INVS: variants seen among roughly 807,000 people sequenced by gnomAD.
INVS encodes inversin.
In INVS, 86 loss-of-function variants were observed where a neutral mutation model predicts 108.8. The observed-to-expected ratio is 0.79, with a 90% CI of 0.66 to 0.95. INVS has a LOEUF of 0.95. Among genes scored for constraint, INVS ranks in the 40% least tolerant of loss-of-function variants. INVS has a pLI of 0.00. For missense variants in INVS, 1,169 were observed against 1,297.4 expected (o/e 0.90, Z 1.52); for synonymous variants, 455 against 473.5 (o/e 0.96, Z 0.51).
chr9:100,167,005 C>T (rs958217229), intron 3 of INVS, among the ~76,000 whole-genome samples: 9 of 152,138 alleles, frequency 5.9e-5, no homozygotes, highest in African/African-American at 1.9e-4. Flanking sequence ...CCAAGGCAGG[C>T]AGATCACTTG....
At chr9:100,171,888 C>T (rs1357444671) in intron 3 of INVS, among the ~76,000 whole-genome samples, 1 of 152,142 alleles carries the variant, frequency 6.6e-6, no homozygotes, top group African/African-American at 2.4e-5. Flanking sequence ...GACTTAGGCT[C>T]TGCTTCTTTC....
chr9:100,121,545 G>A (rs182063776), intron 2 of INVS, among the ~76,000 whole-genome samples: 1 of 152,230 alleles, frequency 6.6e-6, no homozygotes, highest in East Asian at 1.9e-4. Flanking sequence ...TTTAATATCT[G>A]CAGGCTTTGT....
chr9:100,299,687 C>CCTAT (rs1362318087), intron 16 of INVS, among the ~76,000 whole-genome samples: 1 of 141,752 alleles, frequency 7.1e-6, no homozygotes, highest in African/African-American at 2.7e-5. Flanking sequence ...CACACCTGGG[C>CCTAT]CTATCTCTTT....
rs1829609234 is a variant in INVS at position 100,173,416 on chromosome 9, C to T, written c.273+46867C>T. 2.0e-5 allele frequency among the ~76,000 whole-genome samples: 3 copies of T among 152,106 alleles called. No homozygotes were observed. In the South Asian group the frequency reaches 6.2e-4, roughly 32 times the overall value. On this transcript the variant is annotated intron_variant, in intron 3 of 16. Transcript: ENST00000262457. ...AAGAATCAAAGGACAGCATTTGGGG[C>T]AATGGCTGTAAGTCAGAAGAGATGT...
intron 7 of INVS, among the ~76,000 whole-genome samples, chr9:100,244,230 C>A (rs891090895): frequency 6.6e-6 from 1 of 152,096 alleles, no homozygotes; most frequent in Non-Finnish European, 1.5e-5. Flanking sequence ...AAATCATTAT[C>A]TATTATCACC....
At chr9:100,242,475 T>C (rs1831908558) in intron 6 of INVS, 95 bp from the exon 7 acceptor site, 2 of 763,684 alleles carry the variant, frequency 2.6e-6, no homozygotes, top group Admixed American at 3.7e-5. Context: ...TGCTGTATTA[T>C]GTTAGTGATT....
intron 3 of INVS, among the ~76,000 whole-genome samples, chr9:100,159,502 A>G (rs1829102069): frequency 6.6e-6 from 1 of 152,186 alleles, no homozygotes; most frequent in Non-Finnish European, 1.5e-5. Context: ...AGGTAGACAC[A>G]AAGCTATTCC....
chr9:100,252,896 T>C lies in INVS; in HGVS notation c.1235-11T>C, dbSNP rs1832283885. 1 of 1,587,144 alleles carries C rather than the reference T, an allele frequency of 6.3e-7. No individual in the cohort carries two copies. The highest frequency in any genetic ancestry group is 1.3e-5 in the African/African-American group (1 of 74,326). On this transcript the variant is annotated splice_polypyrimidine_tract_variant and intron_variant, in intron 9 of 16. Transcript: ENST00000262457. ...ATATTAGACATTCTCATTATATTTG[T>C]GCTTTTCCAGGTGGAGCAAGGGTAG...
In INVS at chr9:100,103,010, G is replaced by A. The variant is rs571712737; in HGVS notation, c.-24-1488G>A. On this transcript the variant is annotated intron_variant, in intron 1 of 16. Transcript: ENST00000262457. ...TGGGATTATGGGCACGCGCCACCAC[G>A]CCCAGCTAATTTTTGTATTTTTAGT... is the stretch of plus-strand genomic sequence containing the variant. Among the ~76,000 whole-genome samples, 23 of 152,002 alleles carry A rather than the reference G, an allele frequency of 1.5e-4. No homozygotes were observed. The South Asian group carries it at 3.7e-3, about 25-fold the overall frequency.
At chr9:100,195,772 G>T (rs1172933576) in intron 3 of INVS, among the ~76,000 whole-genome samples, 1 of 152,018 alleles carries the variant, frequency 6.6e-6, no homozygotes, top group Admixed American at 6.6e-5. Flanking sequence ...ACAGGCGTGA[G>T]CCACCACACC....
intron 2 of INVS, among the ~76,000 whole-genome samples, chr9:100,124,855 C>T (rs573748429): frequency 3.5e-4 from 53 of 152,234 alleles, no homozygotes; most frequent in Middle Eastern, 3.4e-3. Flanking sequence ...GACTCTGGAT[C>T]CTATTTAAAT....
chr9:100,146,883 C>T (rs1280466239), intron 3 of INVS, among the ~76,000 whole-genome samples: 1 of 152,214 alleles, frequency 6.6e-6, no homozygotes, highest in Admixed American at 6.5e-5. Context: ...AATAGTGCTT[C>T]CGTCAACGTA....
intron 3 of INVS, among the ~76,000 whole-genome samples, chr9:100,155,498 A>G (rs979383996): frequency 3.3e-5 from 5 of 151,948 alleles, no homozygotes; most frequent in African/African-American, 1.2e-4. Context: ...CACCATGCCC[A>G]GCTAATTTTT....
At chr9:100,221,170 T>G (rs1476568601) in intron 3 of INVS, among the ~76,000 whole-genome samples, 1 of 152,180 alleles carries the variant, frequency 6.6e-6, no homozygotes, top group African/African-American at 2.4e-5. Context: ...TTCAGAGGGT[T>G]GTCAAATTAG....
intron 3 of INVS, chr9:100,215,443 A>C (rs1830958067): frequency 6.6e-6 from 1 of 152,286 alleles, no homozygotes. Flanking sequence ...AGGTGGCCAC[A>C]GTTAGTAAGC....
intron 3 of INVS, among the ~76,000 whole-genome samples, chr9:100,206,649 C>T (rs1471729014): frequency 2.0e-5 from 3 of 151,970 alleles, no homozygotes; most frequent in African/African-American, 7.2e-5. Flanking sequence ...GCTCAATTAT[C>T]ACAATCAGGC....
intron 13 of INVS, 69 bp downstream of exon 13, chr9:100,284,672 G>C: frequency 1.4e-6 from 2 of 1,480,830 alleles, no homozygotes; most frequent in Non-Finnish European, 1.9e-6. Flanking sequence ...GGTGTATTTA[G>C]ACCAATTACA....
At chr9:100,129,626 T>C in intron 3 of INVS, 1 of 628,908 alleles carries the variant, frequency 1.6e-6, no homozygotes, top group Non-Finnish European at 3.0e-6. Context: ...AATTTGCCTG[T>C]CAAAAAAATC....
chr9:100,294,196 G>A (rs1219716824), intron 14 of INVS, among the ~76,000 whole-genome samples: 6 of 152,148 alleles, frequency 3.9e-5, no homozygotes, highest in African/African-American at 1.4e-4. Context: ...AAGTTATGTC[G>A]CCGCCATCAC....
Sources: allele counts gnomAD v4.1 joint callset (sites outside exome capture counted in the v4.1 genomes callset), GRCh38; gene constraint gnomAD v4.1.1; transcripts MANE v1.5; gene names NCBI Gene and HGNC (gene_info 2026-07-23, HGNC 2026-07-21).